The following ZRSR2 variants were observed in gnomAD, a reference collection of about 807,000 sequenced individuals.
The protein encoded by ZRSR2 is zinc finger CCCH-type, RNA binding motif and serine/arginine rich 2.
In ZRSR2, 3 loss-of-function variants were observed where a neutral mutation model predicts 39.4. The observed-to-expected ratio is 0.08, with a 90% CI of 0.03 to 0.20. ZRSR2 has a LOEUF of 0.20. Ranked by LOEUF, ZRSR2 falls within the 10% of genes least tolerant of loss-of-function variation. The probability of loss-of-function intolerance (pLI) is 1.00; values close to 1 mark genes in which losing one functional copy is unlikely to be tolerated. For missense variants in ZRSR2, 256 were observed against 391.5 expected, an observed-to-expected ratio of 0.65 and a Z score of 2.92; for synonymous variants, 137 against 136.0, an observed-to-expected ratio of 1.01 and a Z score of -0.05.
rs961601730 is a variant in ZRSR2 at position 15,790,739 on chromosome X, C to T, written c.42-195C>T. 9 of 632,707 alleles carry T rather than the reference C, an allele frequency of 1.4e-5. No homozygotes were observed. In the African/African-American group the frequency reaches 2.0e-4, roughly 14 times the overall value. The allele number at this position is 632,707 out of a possible 1,213,427, so 52.1% of individuals were successfully genotyped here. On this transcript the variant is annotated intron_variant, in intron 1 of 10. Coordinates refer to ENST00000307771, the MANE Select transcript of ZRSR2 (RefSeq NM_005089.4). The stretch of plus-strand genomic sequence containing the variant: ...GCAAGCGAGGAGAGGATCAGGTTGG[C>T]GGATGGAGAAGAACTGTCTGGGAGT...
chrX:15,790,558 G>A (rs1292689093), intron 1 of ZRSR2, 22 bp downstream of exon 1: 3 of 1,159,480 alleles, frequency 2.6e-6, no homozygotes, highest in Non-Finnish European at 3.4e-6. Context: ...ACGGGGAGAT[G>A]AGCAGGCGAG....
intron 2 of ZRSR2, among the ~76,000 whole-genome samples, chrX:15,797,883 G>A (rs181496212): frequency 8.9e-6 from 1 of 111,832 alleles, no homozygotes; most frequent in East Asian, 2.8e-4. Context: ...GTGATGGGGA[G>A]TTGAGTGAGT....
intron 2 of ZRSR2, among the ~76,000 whole-genome samples, chrX:15,794,681 A>AG (rs1342904629): frequency 2.7e-5 from 3 of 111,435 alleles, no homozygotes; most frequent in Non-Finnish European, 5.7e-5. Flanking sequence ...GAGGTGGAGG[A>AG]GGTAGAAGGG....
intron 6 of ZRSR2, among the ~76,000 whole-genome samples, chrX:15,808,894 T>C (rs1471109587): frequency 9.0e-6 from 1 of 111,365 alleles, no homozygotes; most frequent in African/African-American, 3.3e-5. Flanking sequence ...GTGCTGGGAT[T>C]ACAGGCGTGA....
At chrX:15,807,220 G>A (rs769846078) in intron 5 of ZRSR2, among the ~76,000 whole-genome samples, 1 of 112,122 alleles carries the variant, frequency 8.9e-6, no homozygotes, top group Non-Finnish European at 1.9e-5. Flanking sequence ...CACTGGTCAT[G>A]TCATATTTTA....
At chrX:15,812,522 G>A in intron 7 of ZRSR2, among the ~76,000 whole-genome samples, 1 of 111,745 alleles carries the variant, frequency 8.9e-6, no homozygotes. Context: ...TTCTTTGGCT[G>A]GTTGTTTTTG....
At chrX:15,797,602 C>G (rs1378008645) in intron 2 of ZRSR2, among the ~76,000 whole-genome samples, 1 of 110,296 alleles carries the variant, frequency 9.1e-6, no homozygotes, top group Non-Finnish European at 1.9e-5. Context: ...CATGACATAC[C>G]TTTTTCTTAA....
Position 15,823,073 on chromosome X carries a change from GGGACCGCAGCAGGGACCGCAGCCGGGGCC to G in ZRSR2, c.1283_1311del (p.Asp428GlyfsTer23). ...AATTCACGAAGCAGAGGAAGAAATA[GGGACCGCAGCAGGGACCGCAGCCGGGGCC>G]GGGGCAGCCGGAGCCGGAGCCGGAG... On this transcript the variant is annotated frameshift_variant, in exon 11 of 11. Transcript: ENST00000307771. LOFTEE classifies it low-confidence loss of function (END_TRUNC). 1 of 1,210,559 alleles carries G rather than the reference GGGACCGCAGCAGGGACCGCAGCCGGGGCC, an allele frequency of 8.3e-7. No individual in the cohort carries two copies. The highest frequency in any genetic ancestry group is 1.1e-6 in the Non-Finnish European group (1 of 894,772).
At chrX:15,793,471 C>A (rs1932347431) in intron 2 of ZRSR2, among the ~76,000 whole-genome samples, 1 of 111,677 alleles carries the variant, frequency 9.0e-6, no homozygotes, top group Non-Finnish European at 1.9e-5. Context: ...TCTGCTCCTA[C>A]TTTTGCCCAC....
chrX:15,817,308 C>T (rs1271660884), intron 8 of ZRSR2, among the ~76,000 whole-genome samples: 5 of 111,668 alleles, frequency 4.5e-5, no homozygotes, highest in Non-Finnish European at 7.5e-5. Context: ...TTTTATTCTT[C>T]CTTCTAAGGG....
chrX:15,800,791 A>G (rs1376748515), intron 3 of ZRSR2, among the ~76,000 whole-genome samples: 1 of 112,734 alleles, frequency 8.9e-6, no homozygotes, highest in Non-Finnish European at 1.9e-5. Flanking sequence ...TTTGCTATTC[A>G]TAGTTTATTC....
intron 2 of ZRSR2, among the ~76,000 whole-genome samples, chrX:15,792,594 G>A (rs1932319660): frequency 3.6e-5 from 4 of 112,161 alleles, no homozygotes; most frequent in Non-Finnish European, 7.5e-5. Context: ...TACTAATGTT[G>A]CCTTATAGTT....
intron 7 of ZRSR2, among the ~76,000 whole-genome samples, chrX:15,811,402 G>A (rs1932878345): frequency 3.0e-5 from 3 of 101,339 alleles, no homozygotes; most frequent in African/African-American, 1.1e-4. Context: ...AAGACCCGTG[G>A]TAGCCTGATT....
chrX:15,793,917 AGAGTGCCTTGGCAAATGATTG>A (rs1254379712), intron 2 of ZRSR2, among the ~76,000 whole-genome samples: 13 of 112,596 alleles, frequency 1.2e-4, no homozygotes, highest in African/African-American at 4.2e-4. Flanking sequence ...TGTAACTATG[AGAGTGCCTTGGCAAATGATTG>A]GAGTGCCTTG....
At chrX:15,793,133 C>T (rs1932336563) in intron 2 of ZRSR2, among the ~76,000 whole-genome samples, 1 of 111,954 alleles carries the variant, frequency 8.9e-6, no homozygotes, top group East Asian at 2.8e-4. Flanking sequence ...TATTGTACTT[C>T]GTCTCTCCCC....
At chrX:15,801,760 T>C (rs1932680931) in intron 3 of ZRSR2, 1 of 112,060 alleles carries the variant, frequency 8.9e-6, no homozygotes, top group Non-Finnish European at 1.9e-5. Context: ...GAGTAATTTT[T>C]TTCCTGTTTA....
rs184610833 is a variant in ZRSR2 at position 15,808,130 on chromosome X, G to T, written c.400-103G>T. On this transcript the variant is annotated intron_variant, in intron 5 of 10. Coordinates refer to ENST00000307771, the MANE Select transcript of ZRSR2 (RefSeq NM_005089.4). ...AAAGAAAACTAGAACTTGTGTGCGT[G>T]TGTGTGTTTTAATTGTTCCACTTGA... 17 of 680,862 alleles carry T rather than the reference G, an allele frequency of 2.5e-5. No homozygotes were observed. The East Asian group carries it at 5.4e-4, about 22-fold the overall frequency. The allele number at this position is 680,862 out of a possible 1,213,427, so 56.1% of individuals were successfully genotyped here. A position where few individuals can be genotyped will look rare whatever the true frequency, so the allele number is the denominator to read the frequency against.
intron 7 of ZRSR2, among the ~76,000 whole-genome samples, chrX:15,812,432 T>TG (rs1382105121): frequency 8.9e-6 from 1 of 111,989 alleles, no homozygotes; most frequent in Non-Finnish European, 1.9e-5. Flanking sequence ...CTTGGTGACT[T>TG]GCTCCAGATC....
chrX:15,806,812 C>A (rs776033503), intron 5 of ZRSR2, among the ~76,000 whole-genome samples: 24 of 111,262 alleles, frequency 2.2e-4, no homozygotes, highest in African/African-American at 7.9e-4. Context: ...GGACTACAGG[C>A]GCCCATCACC....
Sources: gnomAD v4.1 joint callset for allele counts (sites outside exome capture counted in the v4.1 genomes callset) on GRCh38, gnomAD v4.1.1 for gene constraint, MANE v1.5 for transcripts, NCBI Gene and HGNC (gene_info 2026-07-23, HGNC 2026-07-21) for gene names.